The following PARD6G variants were observed in gnomAD, a reference collection of about 807,000 sequenced individuals.
PARD6G encodes partitioning defective 6 homolog gamma.
Under a neutral mutation model 10.7 loss-of-function variants are expected in PARD6G, and 7 were observed. That is an observed-to-expected ratio of 0.66 (90% CI 0.37 to 1.23). The LOEUF is 1.23. Among genes scored for constraint, PARD6G ranks in the 50% most tolerant of loss-of-function variants. PARD6G has a pLI of 0.02. For missense variants in PARD6G, 548 were observed against 571.8 expected, an observed-to-expected ratio of 0.96 and a Z score of 0.42; for synonymous variants, 287 against 269.4, an observed-to-expected ratio of 1.07 and a Z score of -0.64.
intron 2 of PARD6G, among the ~76,000 whole-genome samples, chr18:80,167,953 G>A (rs1331696438): frequency 6.6e-6 from 1 of 152,134 alleles, no homozygotes; most frequent in Admixed American, 6.5e-5. Context: ...AGATGAACAC[G>A]TTCATAGGCA....
intron 1 of PARD6G, among the ~76,000 whole-genome samples, chr18:80,206,915 G>A (rs1056155766): frequency 2.7e-5 from 4 of 149,068 alleles, no homozygotes; most frequent in African/African-American, 7.4e-5. Context: ...AGATTCTTCA[G>A]ATGTTTACTT....
chr18:80,174,188 C>T (rs1323688124), intron 2 of PARD6G, among the ~76,000 whole-genome samples: 1 of 152,186 alleles, frequency 6.6e-6, no homozygotes, highest in African/African-American at 2.4e-5. Context: ...TTTCCAGGCC[C>T]TGTATCCTCT....
intron 2 of PARD6G, among the ~76,000 whole-genome samples, chr18:80,198,263 A>G (rs1376133055): frequency 1.3e-5 from 2 of 152,204 alleles, no homozygotes; most frequent in African/African-American, 4.8e-5. Context: ...GCCCTTTAGC[A>G]ATCTGATGAT....
chr18:80,231,233 G>T lies in PARD6G; in HGVS notation c.72+16044C>A, dbSNP rs1216619015. 6.6e-6 allele frequency among the ~76,000 whole-genome samples: 1 copy of T among 152,246 alleles called. No individual in the cohort carries two copies. Among genetic ancestry groups the T allele is most frequent in the Non-Finnish European group, 1.5e-5 (1 of 68,046 alleles). On this transcript the variant is annotated intron_variant, in intron 1 of 2. Coordinates refer to ENST00000353265, the MANE Select transcript of PARD6G (RefSeq NM_032510.4). This position sits in a 1 kb window ranked among gnomAD's most constrained non-coding sequence, Gnocchi z 4.2. ...GCTGAGAGGTAGGGCCAGGGGAAAGGTGCTGGGGGTTGGCCTGGGCCCAAG... is the reference window on the plus strand; with the variant it reads ...GCTGAGAGGTAGGGCCAGGGGAAAGTTGCTGGGGGTTGGCCTGGGCCCAAG...
At chr18:80,217,889 C>T (rs1174164500) in intron 1 of PARD6G, among the ~76,000 whole-genome samples, 1 of 152,180 alleles carries the variant, frequency 6.6e-6, no homozygotes, top group Non-Finnish European at 1.5e-5. Context: ...GCAAACACAT[C>T]CTTCTTCACA....
intron 1 of PARD6G, among the ~76,000 whole-genome samples, chr18:80,244,006 C>T (rs1452740904): frequency 3.3e-5 from 5 of 152,126 alleles, no homozygotes; most frequent in African/African-American, 9.7e-5. Context: ...GCAATACTGA[C>T]GTAGGTAAAG....
At chr18:80,244,559 C>T (rs1030219902) in intron 1 of PARD6G, among the ~76,000 whole-genome samples, 1 of 152,192 alleles carries the variant, frequency 6.6e-6, no homozygotes, top group Non-Finnish European at 1.5e-5. Flanking sequence ...GAATTCTGAC[C>T]TGCAGTATTT....
chr18:80,226,890 AC>A (rs1967298627), intron 1 of PARD6G, among the ~76,000 whole-genome samples: 1 of 152,220 alleles, frequency 6.6e-6, no homozygotes, highest in Admixed American at 6.5e-5. Context: ...GCTGCGGCTT[AC>A]CACTGACTAC....
intron 1 of PARD6G, among the ~76,000 whole-genome samples, chr18:80,244,912 C>T (rs1222730544): frequency 6.6e-6 from 1 of 152,126 alleles, no homozygotes; most frequent in Non-Finnish European, 1.5e-5. Context: ...AAGAGCCACA[C>T]GGACCCTCTG....
Position 80,180,016 on chromosome 18 carries a change from C to T in PARD6G, c.296-19410G>A, listed in dbSNP as rs2052839940. The stretch of plus-strand genomic sequence containing the variant: ...CTCACCTCTGTCTAGGGGGGCAGAG[C>T]CTGACGGGAACGCCCCATTGTGCCT... On this transcript the variant is annotated intron_variant, in intron 2 of 2. Transcript: ENST00000353265. This position sits in a 1 kb window ranked among gnomAD's most constrained non-coding sequence, Gnocchi z 5.6. Among the ~76,000 whole-genome samples, 1 of 152,212 alleles carries T rather than the reference C, an allele frequency of 6.6e-6. No homozygotes were observed. Among genetic ancestry groups the T allele is most frequent in the South Asian group, 2.1e-4 (1 of 4,828 alleles).
Position 80,161,424 on chromosome 18 carries a change from T to C in PARD6G, c.296-818A>G, listed in dbSNP as rs1177520838. Among the ~76,000 whole-genome samples, 1 of 152,040 alleles carries C rather than the reference T, an allele frequency of 6.6e-6. No individual in the cohort carries two copies. Among genetic ancestry groups the C allele is most frequent in the African/African-American group, 2.4e-5 (1 of 41,384 alleles). On this transcript the variant is annotated intron_variant, in intron 2 of 2. Transcript: ENST00000353265. This position sits in a 1 kb window ranked among gnomAD's most constrained non-coding sequence, Gnocchi z 4.6. ...TTGTGGCAGTGTGTAAACTTTACCC[T>C]AAAGTTGGGCTACTGCAAAATAAAA...
chr18:80,191,488 C>A (rs1158972513), intron 2 of PARD6G, among the ~76,000 whole-genome samples: 1 of 152,184 alleles, frequency 6.6e-6, no homozygotes, highest in Non-Finnish European at 1.5e-5. Context: ...ACCAGGAGCC[C>A]CCATGTGTGT....
chr18:80,217,008 C>G (rs939148022), intron 1 of PARD6G, among the ~76,000 whole-genome samples: 1 of 152,092 alleles, frequency 6.6e-6, no homozygotes, highest in African/African-American at 2.4e-5. Context: ...AACCAAGACT[C>G]CTTGGAGAAA....
chr18:80,163,698 G>A (rs1460736878), intron 2 of PARD6G, among the ~76,000 whole-genome samples: 1 of 152,340 alleles, frequency 6.6e-6, no homozygotes, highest in East Asian at 1.9e-4. Flanking sequence ...AGGATACAGA[G>A]AAGGGCACAG....
At chr18:80,196,379 A>G (rs529894084) in intron 2 of PARD6G, among the ~76,000 whole-genome samples, 1 of 152,374 alleles carries the variant, frequency 6.6e-6, no homozygotes, top group East Asian at 1.9e-4. Flanking sequence ...CTTGTTTTAC[A>G]AATATGTTTT....
intron 2 of PARD6G, among the ~76,000 whole-genome samples, chr18:80,177,603 AACACACAG>A (rs1481125876): frequency 2.0e-5 from 3 of 149,930 alleles, no homozygotes; most frequent in Non-Finnish European, 3.0e-5. Flanking sequence ...CATACACACA[AACACACAG>A]ACACACAGAA....
At chr18:80,218,428 T>TA (rs1182687582) in intron 1 of PARD6G, among the ~76,000 whole-genome samples, 3 of 152,096 alleles carry the variant, frequency 2.0e-5, no homozygotes, top group African/African-American at 7.2e-5. Flanking sequence ...TCACTAAACT[T>TA]AAAGTTCCAA....
chr18:80,186,510 C>T (rs2052879975), intron 2 of PARD6G, among the ~76,000 whole-genome samples: 1 of 151,218 alleles, frequency 6.6e-6, no homozygotes. Context: ...GCTCGCACAC[C>T]CTCACACATG....
chr18:80,241,302 C>G (rs1967486983), intron 1 of PARD6G, among the ~76,000 whole-genome samples: 2 of 152,284 alleles, frequency 1.3e-5, no homozygotes, highest in African/African-American at 2.4e-5. Context: ...TGGAGCTAGA[C>G]TATCTGGGTT....
Sources: gnomAD v4.1 joint callset for allele counts (sites outside exome capture counted in the v4.1 genomes callset) on GRCh38, gnomAD v4.1.1 for gene constraint, Gnocchi (gnomAD v3.1) non-coding constraint, MANE v1.5 for transcripts, NCBI Gene and HGNC (gene_info 2026-07-23, HGNC 2026-07-21) for gene names.